Variants in CRYBG3 observed in about 807,000 individuals in gnomAD.
CRYBG3 encodes the protein very large A-kinase anchor protein.
A neutral mutation model predicts 244.2 loss-of-function variants in CRYBG3; 127 were observed. That is an observed-to-expected ratio of 0.52 (90% CI 0.45 to 0.60). The LOEUF (loss-of-function observed/expected upper bound fraction) is 0.60. Among genes scored for constraint, CRYBG3 ranks in the 20% least tolerant of loss-of-function variants. CRYBG3 has a pLI of 0.00. For synonymous variants in CRYBG3, 1,132 were observed against 1,195.8 expected (o/e 0.95, Z 1.10); for missense variants, 3,325 against 3,442.5 (o/e 0.97, Z 0.85).
chr3:97,903,140 T>A (rs1203293774), intron 15 of CRYBG3, among the ~76,000 whole-genome samples: 2 of 152,198 alleles, frequency 1.3e-5, no homozygotes, highest in East Asian at 1.9e-4. Context: ...TGCATGATTC[T>A]CACCAAGAAA....
chr3:97,847,876 ACTGC>A (rs2038925979), intron 2 of CRYBG3, among the ~76,000 whole-genome samples: 1 of 152,238 alleles, frequency 6.6e-6, no homozygotes, highest in South Asian at 2.1e-4. Context: ...GTATTAACTT[ACTGC>A]ATATCAATAT....
At chr3:97,848,437 G>T (rs2038933879) in intron 2 of CRYBG3, among the ~76,000 whole-genome samples, 1 of 152,100 alleles carries the variant, frequency 6.6e-6, no homozygotes, top group African/African-American at 2.4e-5. Flanking sequence ...GAGTAGCTGG[G>T]ACTACAGGCA....
rs1387985557 is a variant in CRYBG3, at chr3:97,872,154, C to G, written c.960C>G (p.Asn320Lys). 2.0e-6 allele frequency: 3 copies of G among 1,535,896 alleles called. No homozygotes were observed. Among genetic ancestry groups the G allele is most frequent in the Non-Finnish European group, 2.6e-6 (3 of 1,146,752 alleles). The change falls in exon 4 of 22, where the codon AAC (asparagine) becomes AAG (lysine). Residue 320 changes from asparagine (N) to lysine (K), a missense_variant. By Grantham distance (94) the Asn-to-Lys change is moderately conservative (BLOSUM62 0). This residue lies in a region of CRYBG3 where 1,526 missense variants were observed against 1,443.2 expected (regional missense o/e 1.06). Transcript: ENST00000389622. ...ACAAGGAAAATTCTTTGACAAATAA[C>G]CCAGAACTGCAGAATATTGCCTCTT... ...SFNKENSLTN[N>K]PELQNIASSN...
Position 97,876,432 on chromosome 3 carries a change from TGAAAGAGAC to T in CRYBG3, c.5240_5248del (p.Glu1747_Asp1749del). ...TGGAAAATACTTACCCAAAGGATACTGAAAGAGACGGTGGCAAAACTGAGGTGATGCCCC... is the reference window on the plus strand; with the variant it reads ...TGGAAAATACTTACCCAAAGGATACTGGTGGCAAAACTGAGGTGATGCCCC... On this transcript the variant is annotated inframe_deletion, in exon 4 of 22. Transcript: ENST00000389622. The T allele has an allele frequency of 8.1e-7, 1 of 1,232,084 alleles. No individual in the cohort carries two copies. Among genetic ancestry groups the T allele is most frequent in the Non-Finnish European group, 1.0e-6 (1 of 987,958 alleles). 76.3% of individuals were successfully genotyped at this position (1,232,084 alleles called of 1,614,324 possible). A position where few individuals can be genotyped will look rare whatever the true frequency, so the allele number is the denominator to read the frequency against.
rs2039441263 is a variant in CRYBG3, at chr3:97,881,096, T to G, written c.7029T>G (p.His2343Gln). The G allele has an allele frequency of 3.1e-6, 5 of 1,601,838 alleles. No individual in the cohort carries two copies. Among genetic ancestry groups the G allele is most frequent in the Non-Finnish European group, 3.4e-6 (4 of 1,175,966 alleles). The change falls in exon 7 of 22, where the codon CAT (histidine) becomes CAG (glutamine). Residue 2343 changes from histidine (H) to glutamine (Q), a missense_variant. Transcript: ENST00000389622. ...RGCWILYEKP[H>Q]FRGQKCVLEE... Reference sequence around the variant, plus strand: ...GCTGGATTTTATATGAGAAACCACATTTCCGAGGTCAGAAATGTGTGCTAG... The same window carrying G: ...GCTGGATTTTATATGAGAAACCACAGTTCCGAGGTCAGAAATGTGTGCTAG...
intron 1 of CRYBG3, 82 bp downstream of exon 1, chr3:97,822,437 G>A (rs1408139646): frequency 1.5e-6 from 2 of 1,298,748 alleles, no homozygotes; most frequent in East Asian, 5.8e-5. Flanking sequence ...CCGGCAGCGG[G>A]CCGCTCTTGG....
intron 2 of CRYBG3, among the ~76,000 whole-genome samples, chr3:97,858,005 A>G (rs553512733): frequency 2.4e-4 from 37 of 151,890 alleles, no homozygotes; most frequent in Non-Finnish European, 4.7e-4. Context: ...TAGTTTTATG[A>G]TAGTAGATAA....
At chr3:97,929,690 A>G (rs2040077184) in intron 17 of CRYBG3, among the ~76,000 whole-genome samples, 1 of 151,926 alleles carries the variant, frequency 6.6e-6, no homozygotes, top group Non-Finnish European at 1.5e-5. Flanking sequence ...TTTATTAGCT[A>G]TGTCTCTTCT....
At chr3:97,864,175 T>G (rs1308763187) in intron 2 of CRYBG3, 42 bp from the exon 3 acceptor site, 14 of 1,394,592 alleles carry the variant, frequency 1.0e-5, no homozygotes, top group Middle Eastern at 1.8e-4. Flanking sequence ...TGTTTCATTA[T>G]TTAAATAATG....
At chr3:97,827,890 C>T (rs369172075) in intron 1 of CRYBG3, among the ~76,000 whole-genome samples, 6 of 152,162 alleles carry the variant, frequency 3.9e-5, no homozygotes, top group Middle Eastern at 3.4e-3. Flanking sequence ...TGGGAAGACT[C>T]GTAAAAGAAG....
intron 13 of CRYBG3, 49 bp downstream of exon 13, chr3:97,899,074 G>A: frequency 6.3e-7 from 1 of 1,598,160 alleles, no homozygotes; most frequent in Non-Finnish European, 8.5e-7. Context: ...GTTTAAGATT[G>A]TTGTTTGCTC....
chr3:97,886,655 C>A lies in CRYBG3; in HGVS notation c.7177C>A (p.Leu2393Ile). ...LKDCSIPEIE[L>I]FPQSDPACCP... The stretch of plus-strand genomic sequence containing the variant: ...GGACTGCAGCATTCCAGAAATAGAG[C>A]TTTTCCCACAATCTGACCCAGCCTG... Residue 2393 changes from leucine to isoleucine, a missense_variant, in exon 8 of 22, where the codon CTT becomes ATT. Leu to Ile is a conservative substitution (Grantham distance 5, BLOSUM62 2). This residue lies in a region of CRYBG3 where 714 missense variants were observed against 803.6 expected (regional missense o/e 0.89). Coordinates refer to ENST00000389622, the MANE Select transcript of CRYBG3 (RefSeq NM_153605.4). The A allele has an allele frequency of 6.2e-7, 1 of 1,604,352 alleles. No individual in the cohort carries two copies. The highest frequency in any genetic ancestry group is 8.5e-7 in the Non-Finnish European group (1 of 1,177,278).
intron 17 of CRYBG3, among the ~76,000 whole-genome samples, chr3:97,921,537 T>A (rs980259714): frequency 6.6e-6 from 1 of 152,088 alleles, no homozygotes; most frequent in Non-Finnish European, 1.5e-5. Flanking sequence ...ATAAGAGGGG[T>A]TGTACTTTGG....
intron 1 of CRYBG3, among the ~76,000 whole-genome samples, chr3:97,842,277 T>C (rs1306080104): frequency 6.6e-6 from 1 of 152,150 alleles, no homozygotes; most frequent in African/African-American, 2.4e-5. Flanking sequence ...TATTTAGTTC[T>C]GGAAGCTGGG....
chr3:97,873,093 T>C lies in CRYBG3; in HGVS notation c.1899T>C (p.Ala633=). 6.5e-7 allele frequency: 1 copy of C among 1,535,144 alleles called. No homozygotes were observed. The highest frequency in any genetic ancestry group is 1.2e-5 in the South Asian group (1 of 83,814). ...TPLDSESPQQ[A]EVSPDAKTSL... ...TTGACTCTGAGAGTCCTCAACAAGCTGAAGTATCACCTGATGCTAAAACAT... is the reference window on the plus strand; with the variant it reads ...TTGACTCTGAGAGTCCTCAACAAGCCGAAGTATCACCTGATGCTAAAACAT... The change falls in exon 4 of 22, where the codon GCT becomes GCC. Residue 633 remains alanine, a synonymous_variant. Coordinates refer to ENST00000389622, the MANE Select transcript of CRYBG3 (RefSeq NM_153605.4).
chr3:97,901,347 G>A (rs910311234), intron 15 of CRYBG3, among the ~76,000 whole-genome samples: 1 of 152,168 alleles, frequency 6.6e-6, no homozygotes, highest in Admixed American at 6.5e-5. Flanking sequence ...GGCATTTGCT[G>A]CCTTTACATA....
chr3:97,886,577 A>G, intron 7 of CRYBG3, 54 bp from the exon 8 acceptor site: 1 of 1,479,602 alleles, frequency 6.8e-7, no homozygotes, highest in Non-Finnish European at 9.2e-7. Context: ...CATTGAGAAG[A>G]CTGGACTGTG....
chr3:97,917,830 T>C (rs1330961433), intron 17 of CRYBG3, among the ~76,000 whole-genome samples: 3 of 152,116 alleles, frequency 2.0e-5, no homozygotes, highest in Non-Finnish European at 2.9e-5. Context: ...ATGTTCCTCC[T>C]AAAAGAGAGT....
chr3:97,867,301 T>C (rs2039245492), intron 3 of CRYBG3: 1 of 152,200 alleles, frequency 6.6e-6, no homozygotes, highest in African/African-American at 2.4e-5. Context: ...ATCTTCCTCA[T>C]TTGGAAAGCA....
Sources: gnomAD v4.1 joint callset for allele counts (sites outside exome capture counted in the v4.1 genomes callset) on GRCh38, gnomAD v4.1.1 for gene constraint, gnomAD v4.1.1 regional missense constraint, MANE v1.5 for transcripts, NCBI Gene and HGNC (gene_info 2026-07-23, HGNC 2026-07-21) for gene names.